The following MTAP variants were observed in gnomAD, a reference collection of about 807,000 sequenced individuals.
MTAP encodes S-methyl-5'-thioadenosine phosphorylase.
MTAP carries 33 observed loss-of-function variants against 33.6 expected under a neutral mutation model. The ratio of observed to expected loss-of-function variants is 0.98; its 90% CI spans 0.74 to 1.31. The LOEUF is 1.31. MTAP is among the 40% of genes most tolerant of loss of function. The pLI is 0.00. For synonymous variants in MTAP, 148 were observed against 125.7 expected (o/e 1.18, Z -1.19); for missense variants, 367 against 360.0 (o/e 1.02, Z -0.16).
chr9:21,840,722 T>C (rs1404600208), intron 5 of MTAP, among the ~76,000 whole-genome samples: 7 of 152,048 alleles, frequency 4.6e-5, no homozygotes, highest in African/African-American at 1.4e-4. Context: ...AAATCAGTAG[T>C]GGTTTCAGCT....
intron 1 of MTAP, chr9:21,812,310 G>C (rs550258014): frequency 1.8e-4 from 37 of 202,980 alleles, no homozygotes; most frequent in Admixed American, 8.2e-4. Context: ...CAGCTTTAGG[G>C]TTCTGAGGCA....
At chr9:21,852,713 A>C (rs1275293651) in intron 5 of MTAP, among the ~76,000 whole-genome samples, 15 of 151,946 alleles carry the variant, frequency 9.9e-5, no homozygotes, top group Middle Eastern at 3.2e-3. Flanking sequence ...AAATGAAAAA[A>C]AAAAAAAAGC....
chr9:21,806,274 G>A (rs548111329), intron 1 of MTAP, among the ~76,000 whole-genome samples: 4 of 152,208 alleles, frequency 2.6e-5, no homozygotes, highest in African/African-American at 9.6e-5. Context: ...GATAGAATTT[G>A]CAGGTAGAAC....
chr9:21,874,487 C>T (rs79757420), intron 1 of MTAP, among the ~76,000 whole-genome samples: 4 of 152,056 alleles, frequency 2.6e-5, no homozygotes, highest in Non-Finnish European at 5.9e-5. Context: ...TAGGCCATCT[C>T]TTTTAGTAAA....
intron 1 of MTAP, among the ~76,000 whole-genome samples, chr9:21,900,346 T>A (rs181593134): frequency 1.6e-4 from 24 of 152,142 alleles, no homozygotes; most frequent in African/African-American, 5.1e-4. Context: ...AATTTAAAAA[T>A]GGGCAAACGA....
At chr9:21,840,859 C>G (rs1006630614) in intron 5 of MTAP, among the ~76,000 whole-genome samples, 2 of 152,180 alleles carry the variant, frequency 1.3e-5, no homozygotes, top group African/African-American at 4.8e-5. Flanking sequence ...GCCATGCTTG[C>G]TTTCCCAGTG....
At chr9:21,902,262 G>A (rs887637314) in intron 1 of MTAP, among the ~76,000 whole-genome samples, 1 of 152,176 alleles carries the variant, frequency 6.6e-6, no homozygotes. Context: ...CACCTGCTAA[G>A]CTAGTGTCCC....
chr9:21,852,707 G>GA (rs201258395), intron 5 of MTAP, among the ~76,000 whole-genome samples: 5,915 of 118,056 alleles, frequency 0.05, 127 homozygotes, highest in Middle Eastern at 0.12. Flanking sequence ...CTATTGAAAT[G>GA]AAAAAAAAAA....
In MTAP at chr9:21,862,208, G is replaced by C; in HGVS notation, c.*194G>C. 7.7e-7 allele frequency: 1 copy of C among 1,303,790 alleles called. No homozygotes were observed. Among genetic ancestry groups the C allele is most frequent in the Non-Finnish European group, 9.8e-7 (1 of 1,020,308 alleles). The allele number at this position is 1,303,790 out of a possible 1,614,324, so 80.8% of individuals were successfully genotyped here. A position where few individuals can be genotyped will look rare whatever the true frequency, so the allele number is the denominator to read the frequency against. On this transcript the variant is annotated 3_prime_UTR_variant, in exon 8 of 8. Transcript: ENST00000644715. ...ATGATTTAGACAACTTCAAAATACA[G>C]AAGAAAAGCAAATGACTAGTAAACA...
In MTAP at chr9:21,864,673, C is replaced by T; in HGVS notation, c.*2659C>T. On this transcript the variant is annotated 3_prime_UTR_variant, in exon 8 of 8. Coordinates refer to ENST00000644715, the MANE Select transcript of MTAP (RefSeq NM_002451.4). ...TGCTGTGCAGGGCTGGAGGTAGCTA[C>T]CATGGCTTGTTTCAAGGAAGGAAAC... The T allele has an allele frequency of 1.0e-6, 1 of 985,520 alleles. No homozygotes were observed. Among genetic ancestry groups the T allele is most frequent in the Non-Finnish European group, 1.2e-6 (1 of 830,016 alleles). The allele number at this position is 985,520 out of a possible 1,614,324, so 61.0% of individuals were successfully genotyped here.
In MTAP at chr9:21,864,142, C is replaced by G; in HGVS notation, c.*2128C>G. 1 of 985,416 alleles carries G rather than the reference C, an allele frequency of 1.0e-6. No individual in the cohort carries two copies. Among genetic ancestry groups the G allele is most frequent in the Non-Finnish European group, 1.2e-6 (1 of 829,926 alleles). The allele number at this position is 985,416 out of a possible 1,614,324, so 61.0% of individuals were successfully genotyped here. The stretch of plus-strand genomic sequence containing the variant: ...CTATGTTCAGAAAGTACAGTTCTCT[C>G]CAACTTGCAGAGGTACTTTTCTTGA... On this transcript the variant is annotated 3_prime_UTR_variant, in exon 8 of 8. Transcript: ENST00000644715.
Position 21,865,019 on chromosome 9 carries a change from G to A in MTAP, c.*3005G>A. On this transcript the variant is annotated 3_prime_UTR_variant, in exon 8 of 8. Transcript: ENST00000644715. ...ATAAGGTTTCAAGGAGTATCTGATGGGTTAGGAAGTCACGAAATGAGGAGT... is the reference window on the plus strand; with the variant it reads ...ATAAGGTTTCAAGGAGTATCTGATGAGTTAGGAAGTCACGAAATGAGGAGT... 1.0e-6 allele frequency: 1 copy of A among 985,460 alleles called. No homozygotes were observed. The highest frequency in any genetic ancestry group is 1.2e-6 in the Non-Finnish European group (1 of 829,934). The allele number at this position is 985,460 out of a possible 1,614,324, so 61.0% of individuals were successfully genotyped here.
At chr9:21,834,017 A>G (rs12349994) in intron 4 of MTAP, among the ~76,000 whole-genome samples, 1,837 of 151,750 alleles carry the variant, frequency 0.012, 35 homozygotes, top group African/African-American at 0.038. Context: ...TTATTTGTCT[A>G]CTAGCTTTTC....
intron 4 of MTAP, among the ~76,000 whole-genome samples, chr9:21,828,002 C>T (rs1824865629): frequency 6.6e-6 from 1 of 152,186 alleles, no homozygotes; most frequent in Admixed American, 6.5e-5. Flanking sequence ...TGACTATACG[C>T]TGTTGCATTT....
intron 4 of MTAP, among the ~76,000 whole-genome samples, chr9:21,823,713 A>G (rs889259589): frequency 1.4e-4 from 21 of 152,304 alleles, no homozygotes; most frequent in African/African-American, 4.3e-4. Flanking sequence ...CTGTTTTCCA[A>G]CTTGGTTCCA....
intron 1 of MTAP, among the ~76,000 whole-genome samples, chr9:21,909,307 T>C (rs538404439): frequency 2.6e-5 from 4 of 152,258 alleles, no homozygotes; most frequent in African/African-American, 9.6e-5. Flanking sequence ...TGCCACTTCC[T>C]TCCTGCCGTG....
At chr9:21,846,534 C>T (rs559988582) in intron 5 of MTAP, among the ~76,000 whole-genome samples, 4 of 152,172 alleles carry the variant, frequency 2.6e-5, no homozygotes, top group South Asian at 2.1e-4. Flanking sequence ...AACCACAATG[C>T]GATACCACCT....
Position 21,833,869 on chromosome 9 carries a change from C to T in MTAP, c.348-4039C>T, listed in dbSNP as rs118076627. On this transcript the variant is annotated intron_variant, in intron 4 of 7. Coordinates refer to ENST00000644715, the MANE Select transcript of MTAP (RefSeq NM_002451.4). ...GTAAGAGTCTTGATTCAAGAAACAA[C>T]CTACCAGTCAGTCTATTTCTAGGCT... Among the ~76,000 whole-genome samples the T allele has an allele frequency of 6.2e-3, 950 of 152,298 alleles. 21 individuals carry two copies. Among genetic ancestry groups the T allele is most frequent in the East Asian group, 0.054 (282 of 5,180 alleles).
At chr9:21,805,575 A>G (rs1005038026) in intron 1 of MTAP, among the ~76,000 whole-genome samples, 1 of 152,198 alleles carries the variant, frequency 6.6e-6, no homozygotes, top group Non-Finnish European at 1.5e-5. Context: ...TTGAAACCTA[A>G]TCGCCAATGT....
Sources: gnomAD v4.1 joint callset for allele counts (sites outside exome capture counted in the v4.1 genomes callset) on GRCh38, gnomAD v4.1.1 for gene constraint, MANE v1.5 for transcripts, NCBI Gene and HGNC (gene_info 2026-07-23, HGNC 2026-07-21) for gene names.